Variants in ALDH1A1 observed in about 807,000 individuals in gnomAD.
ALDH1A1 encodes aldehyde dehydrogenase 1 family member A1.
In ALDH1A1, 19 loss-of-function variants were observed where a neutral mutation model predicts 62.1. That is an observed-to-expected ratio of 0.31 (90% CI 0.21 to 0.45). ALDH1A1 has a LOEUF of 0.45. Among genes scored for constraint, ALDH1A1 ranks in the 20% least tolerant of loss-of-function variants. ALDH1A1 has a pLI of 1.00. For missense variants in ALDH1A1, 521 were observed against 607.1 expected, an observed-to-expected ratio of 0.86 and a Z score of 1.49; for synonymous variants, 231 against 215.9, an observed-to-expected ratio of 1.07 and a Z score of -0.61.
chr9:72,928,989 A>T lies in ALDH1A1; in HGVS notation c.345T>A (p.Tyr115Ter). ...CTAAATCATTCAGATATGCATTGGA[A>T]TAGAGTTTTCCACCATTCATTGACT... Reference protein sequence around the residue: ...TMESMNGGKLYSNAYLNDLAG... With the variant: ...TMESMNGGKL The change falls in exon 4 of 13, where the codon TAT becomes TAA. Residue 115 changes from tyrosine (Y) to a stop codon, truncating the protein, a stop_gained. Coordinates refer to ENST00000297785, the MANE Select transcript of ALDH1A1 (RefSeq NM_000689.5). LOFTEE classifies it high-confidence loss of function. 6.2e-7 allele frequency: 1 copy of T among 1,613,866 alleles called. No homozygotes were observed. The highest frequency in any genetic ancestry group is 8.5e-7 in the Non-Finnish European group (1 of 1,179,842).
chr9:72,908,403 C>G (rs1367455399), intron 11 of ALDH1A1, among the ~76,000 whole-genome samples: 1 of 112,506 alleles, frequency 8.9e-6, no homozygotes, highest in Non-Finnish European at 1.7e-5. Flanking sequence ...CCATTGCACT[C>G]CAGCCTGGGT....
intron 5 of ALDH1A1, 116 bp downstream of exon 5, chr9:72,927,000 T>G (rs1830220017): frequency 4.0e-6 from 3 of 755,512 alleles, no homozygotes; most frequent in Non-Finnish European, 6.3e-6. Flanking sequence ...AATCTTACAT[T>G]TACTCCACAT....
chr9:72,939,396 A>C (rs1039162474), intron 2 of ALDH1A1, among the ~76,000 whole-genome samples: 4 of 152,190 alleles, frequency 2.6e-5, no homozygotes, highest in African/African-American at 7.2e-5. Context: ...TATAATTTTT[A>C]CAGGTGTTGA....
intron 2 of ALDH1A1, among the ~76,000 whole-genome samples, chr9:72,938,138 G>C (rs1323638199): frequency 6.6e-6 from 1 of 152,108 alleles, no homozygotes; most frequent in Non-Finnish European, 1.5e-5. Flanking sequence ...GCAGGAGACT[G>C]GCAGGAACAT....
At chr9:72,908,579 GA>G (rs796773535) in intron 11 of ALDH1A1, among the ~76,000 whole-genome samples, 5 of 125,770 alleles carry the variant, frequency 4.0e-5, no homozygotes, top group African/African-American at 1.5e-4. Flanking sequence ...AAGAAAGAAA[GA>G]AAGAAAGAAA....
intron 11 of ALDH1A1, among the ~76,000 whole-genome samples, chr9:72,908,593 AAGAAAGAAAGAAAG>A (rs1564622803): frequency 2.0e-5 from 3 of 147,234 alleles, no homozygotes; most frequent in African/African-American, 7.6e-5. Flanking sequence ...GAAAGAAAGA[AAGAAAGAAAGAAAG>A]AAAGAAAGAA....
At chr9:72,943,055 C>T (rs961352505) in intron 1 of ALDH1A1, among the ~76,000 whole-genome samples, 2 of 152,118 alleles carry the variant, frequency 1.3e-5, no homozygotes, top group African/African-American at 4.8e-5. Context: ...GATTTATTCA[C>T]TTGGGAATTC....
intron 12 of ALDH1A1, among the ~76,000 whole-genome samples, chr9:72,905,345 A>C (rs1170706443): frequency 6.6e-6 from 1 of 152,128 alleles, no homozygotes; most frequent in Non-Finnish European, 1.5e-5. Flanking sequence ...TTGAAATTTC[A>C]TAAATGCATT....
chr9:72,946,796 T>C (rs1013946659), intron 1 of ALDH1A1, among the ~76,000 whole-genome samples: 21 of 151,982 alleles, frequency 1.4e-4, no homozygotes, highest in Non-Finnish European at 2.8e-4. Context: ...CAGATATCTC[T>C]GTTTGATGTC....
chr9:72,944,265 A>AT lies in ALDH1A1; in HGVS notation c.67-4014_67-4013insA, dbSNP rs1830449292. Among the ~76,000 whole-genome samples, 3 of 152,252 alleles carry AT rather than the reference A, an allele frequency of 2.0e-5. No individual in the cohort carries two copies. The South Asian group carries it at 6.2e-4, about 32-fold the overall frequency. ...AGACTAATTTCATAATCCTATCATA[A>AT]GGTCACAGGCTTTTGAAGGAGAGTG... On this transcript the variant is annotated intron_variant, in intron 1 of 12. Transcript: ENST00000297785.
intron 5 of ALDH1A1, among the ~76,000 whole-genome samples, chr9:72,926,376 C>A (rs1273990620): frequency 6.6e-6 from 1 of 152,162 alleles, no homozygotes; most frequent in Admixed American, 6.5e-5. Context: ...ATATTTCAAT[C>A]TCATTGGAGC....
chr9:72,904,157 G>A (rs1588128514), intron 12 of ALDH1A1, among the ~76,000 whole-genome samples: 1 of 152,164 alleles, frequency 6.6e-6, no homozygotes, highest in South Asian at 2.1e-4. Flanking sequence ...GCTTGAACTG[G>A]GGTGCATGGC....
chr9:72,908,548 GAAAGAAGAAAGAAAGAAAGAAAGA>G (rs1829919089), intron 11 of ALDH1A1, among the ~76,000 whole-genome samples: 1 of 29,684 alleles, frequency 3.4e-5, no homozygotes, highest in African/African-American at 1.3e-4. Context: ...AGAAAGAAAA[GAAAGAAGAAAGAAAGAAAGAAAGA>G]AAGAAAGAAA....
At chr9:72,948,452 C>T (rs1830499711) in intron 1 of ALDH1A1, among the ~76,000 whole-genome samples, 1 of 151,914 alleles carries the variant, frequency 6.6e-6, no homozygotes, top group Admixed American at 6.6e-5. Flanking sequence ...ATTCACTTTA[C>T]TCCAGCCAGA....
intron 10 of ALDH1A1, 107 bp downstream of exon 10, chr9:72,911,851 A>G: frequency 7.9e-7 from 1 of 1,267,612 alleles, no homozygotes; most frequent in East Asian, 2.3e-5. Context: ...TAAGGTTTAG[A>G]GGGAAAGATG....
At chr9:72,944,744 T>C (rs1259991245) in intron 1 of ALDH1A1, among the ~76,000 whole-genome samples, 1 of 152,100 alleles carries the variant, frequency 6.6e-6, no homozygotes, top group African/African-American at 2.4e-5. Context: ...AAAAGTAAAA[T>C]ATTCTTGGGT....
chr9:72,939,613 G>A (rs1305413354), intron 2 of ALDH1A1, among the ~76,000 whole-genome samples: 1 of 151,636 alleles, frequency 6.6e-6, no homozygotes, highest in Non-Finnish European at 1.5e-5. Context: ...TGCCTCACGG[G>A]CTAAAGCAAT....
chr9:72,918,867 G>A (rs181147202), intron 7 of ALDH1A1, 45 bp from the exon 8 acceptor site: 172 of 1,401,758 alleles, frequency 1.2e-4, no homozygotes, highest in Non-Finnish European at 1.6e-4. Flanking sequence ...CTGCTCTCAT[G>A]AACACAGGTT....
chr9:72,935,653 T>C (rs982354548), intron 2 of ALDH1A1, among the ~76,000 whole-genome samples: 1 of 152,178 alleles, frequency 6.6e-6, no homozygotes, highest in African/African-American at 2.4e-5. Flanking sequence ...AAAGAACCAC[T>C]GAAGTGAAAA....
Sources: allele counts gnomAD v4.1 joint callset (sites outside exome capture counted in the v4.1 genomes callset), GRCh38; gene constraint gnomAD v4.1.1; transcripts MANE v1.5; gene names NCBI Gene and HGNC (gene_info 2026-07-23, HGNC 2026-07-21).